The following KCNA6 variants were observed in gnomAD, a reference collection of about 807,000 sequenced individuals.
The protein encoded by KCNA6 is potassium voltage-gated channel subfamily A member 6, also known as human brain potassium channel-2.
A neutral mutation model predicts 29.5 loss-of-function variants in KCNA6; 17 were observed. The ratio of observed to expected loss-of-function variants is 0.58; its 90% CI spans 0.39 to 0.86. The LOEUF (loss-of-function observed/expected upper bound fraction) is 0.86, where lower values mean the gene tolerates loss of function less well. Ranked by LOEUF, KCNA6 falls within the 40% of genes least tolerant of loss-of-function variation. The probability of loss-of-function intolerance (pLI) is 0.00; values close to 1 mark genes in which losing one functional copy is unlikely to be tolerated. For missense variants in KCNA6, 450 were observed against 703.4 expected, an observed-to-expected ratio of 0.64 and a Z score of 4.07; for synonymous variants, 296 against 304.7, an observed-to-expected ratio of 0.97 and a Z score of 0.30.
chr12:4,823,328 T>C, the KCNA6 span, among the ~76,000 whole-genome samples: 5 of 152,128 alleles, frequency 3.3e-5, no homozygotes, highest in Admixed American at 6.5e-5. Flanking sequence ...TCATAATTCC[T>C]TCTTCCAGCG....
chr12:4,822,714 C>T, the KCNA6 span, among the ~76,000 whole-genome samples: 184 of 152,338 alleles, frequency 1.2e-3, 1 homozygote, highest in African/African-American at 3.8e-3. Flanking sequence ...ACTCCACTCC[C>T]GCTGGCTAGG....
At chr12:4,814,211 TG>T (rs1946660016), downstream of KCNA6, 1 of 167,118 alleles carries the variant, frequency 6.0e-6, no homozygotes. This position sits in a 1 kb window ranked among gnomAD's most constrained non-coding sequence, Gnocchi z 4.6. Context: ...TTCAGAAATT[TG>T]AATGTTAAGC....
At chr12:4,821,511 A>C in the KCNA6 span, among the ~76,000 whole-genome samples, 1 of 151,850 alleles carries the variant, frequency 6.6e-6, no homozygotes, top group Non-Finnish European at 1.5e-5. Context: ...ATGGTTTTAC[A>C]TGCCTCCAGC....
chr12:4,840,597 G>C, the KCNA6 span, among the ~76,000 whole-genome samples: 2 of 152,218 alleles, frequency 1.3e-5, no homozygotes, highest in African/African-American at 4.8e-5. Context: ...TTTAAGGAAT[G>C]ACACGTTCCA....
At chr12:4,815,630 G>A (rs917546501), downstream of KCNA6, among the ~76,000 whole-genome samples, 16 of 152,268 alleles carry the variant, frequency 1.1e-4, no homozygotes, top group African/African-American at 3.1e-4. Flanking sequence ...GAGTTAGCCT[G>A]GAAAAAGCCT....
the KCNA6 span, chr12:4,839,023 C>G: frequency 1.3e-5 from 2 of 152,220 alleles, no homozygotes; most frequent in African/African-American, 4.8e-5. Context: ...TTCTCCTGCT[C>G]TGACTGCTTT....
chr12:4,815,633 A>G (rs558215873), downstream of KCNA6, among the ~76,000 whole-genome samples: 2 of 152,316 alleles, frequency 1.3e-5, no homozygotes, highest in Admixed American at 6.5e-5. Context: ...TTAGCCTGGA[A>G]AAAGCCTTAA....
chr12:4,816,523 C>T (rs1447389618), downstream of KCNA6, among the ~76,000 whole-genome samples: 2 of 152,060 alleles, frequency 1.3e-5, no homozygotes, highest in Admixed American at 1.3e-4. Flanking sequence ...GAAAAAAACT[C>T]CAAGAAAAGT....
At chr12:4,848,932 C>T in the KCNA6 span, among the ~76,000 whole-genome samples, 3 of 151,702 alleles carry the variant, frequency 2.0e-5, no homozygotes, top group Non-Finnish European at 4.4e-5. Flanking sequence ...CCATCCTGGC[C>T]AACACGGTGA....
rs746236187 is a variant in KCNA6 at position 4,810,309 on chromosome 12, C to G, written c.268C>G (p.Arg90Gly). 4 of 1,613,990 alleles carry G rather than the reference C, an allele frequency of 2.5e-6. No individual in the cohort carries two copies. The highest frequency in any genetic ancestry group is 2.2e-5 in the East Asian group (1 of 44,892). ...GAACGAGTACTTCTTCGACCGCAAC[C>G]GGCCCAGCTTCGACGCCATCCTCTA... The change falls in exon 1 of 1, where the codon CGG becomes GGG. Residue 90 changes from arginine (R) to glycine (G), a missense_variant. This residue lies in a region of KCNA6 where 133 missense variants were observed against 217.5 expected (regional missense o/e 0.61). Coordinates refer to ENST00000280684, the Ensembl canonical transcript of KCNA6. The surrounding 1 kb of genome is among the most constrained non-coding windows in gnomAD (Gnocchi z 7.5).
At chr12:4,840,021 A>T in the KCNA6 span, among the ~76,000 whole-genome samples, 1 of 152,292 alleles carries the variant, frequency 6.6e-6, no homozygotes, top group African/African-American at 2.4e-5. Context: ...AAGAGAAAAA[A>T]CTTCCATCAT....
the KCNA6 span, among the ~76,000 whole-genome samples, chr12:4,843,471 C>T: frequency 3.4e-4 from 52 of 152,118 alleles, no homozygotes; most frequent in African/African-American, 1.1e-3. Context: ...TGAGCCACTG[C>T]GCCTGGCCAA....
chr12:4,810,435 G>A lies in KCNA6; in HGVS notation c.394G>A (p.Ala132Thr). The change falls in exon 1 of 1, where the codon GCG becomes ACG. Residue 132 changes from alanine to threonine, a missense_variant. By Grantham distance (58) the Ala-to-Thr change is moderately conservative. Coordinates refer to ENST00000280684, the Ensembl canonical transcript of KCNA6. This position sits in a 1 kb window ranked among gnomAD's most constrained non-coding sequence, Gnocchi z 7.5. The stretch of plus-strand genomic sequence containing the variant: ...CTACCAGCTGGGGGACGAGGCCCTG[G>A]CGGCCTTCCGGGAGGACGAGGGCTG... 3 of 1,614,088 alleles carry A rather than the reference G, an allele frequency of 1.9e-6. No homozygotes were observed. Among genetic ancestry groups the A allele is most frequent in the Non-Finnish European group, 2.5e-6 (3 of 1,179,976 alleles).
the KCNA6 span, among the ~76,000 whole-genome samples, chr12:4,834,682 G>C: frequency 6.6e-6 from 1 of 152,118 alleles, no homozygotes; most frequent in African/African-American, 2.4e-5. Context: ...TCTAAAGCAG[G>C]ACCCAGCTAC....
At chr12:4,846,925 C>G in the KCNA6 span, among the ~76,000 whole-genome samples, 1 of 151,904 alleles carries the variant, frequency 6.6e-6, no homozygotes, top group African/African-American at 2.4e-5. Flanking sequence ...ACTACAGGCG[C>G]CCGCCACCAC....
chr12:4,810,255 C>T lies in KCNA6; in HGVS notation c.214C>T (p.Arg72Trp), dbSNP rs866218754. ...GGACACGCTGCTCGGAGACCCTGGC[C>T]GGCGAGTCCGCTTCTTCGACCCCCT... The change falls in exon 1 of 1, where the codon CGG becomes TGG. Residue 72 changes from arginine to tryptophan, a missense_variant. By Grantham distance (101) the Arg-to-Trp change is moderately radical. Coordinates refer to ENST00000280684, the Ensembl canonical transcript of KCNA6. The surrounding 1 kb of genome is among the most constrained non-coding windows in gnomAD (Gnocchi z 7.5). The T allele has an allele frequency of 1.9e-6, 3 of 1,613,842 alleles. No homozygotes were observed. Among genetic ancestry groups the T allele is most frequent in the Non-Finnish European group, 2.5e-6 (3 of 1,180,036 alleles).
chr12:4,817,404 C>T (rs1290230871), downstream of KCNA6, among the ~76,000 whole-genome samples: 4 of 152,100 alleles, frequency 2.6e-5, no homozygotes, highest in Non-Finnish European at 5.9e-5. Flanking sequence ...CCTGTGCTGG[C>T]CTTGAGTGAG....
At chr12:4,818,427 TTC>T in the KCNA6 span, among the ~76,000 whole-genome samples, 2 of 152,240 alleles carry the variant, frequency 1.3e-5, no homozygotes, top group East Asian at 3.8e-4. Context: ...CTCAGTTTCT[TTC>T]TCTGTCAAAT....
chr12:4,814,238 C>T (rs932735818), downstream of KCNA6: 3 of 167,172 alleles, frequency 1.8e-5, no homozygotes, highest in African/African-American at 4.8e-5. This position sits in a 1 kb window ranked among gnomAD's most constrained non-coding sequence, Gnocchi z 4.6. Context: ...GTTAAACCAA[C>T]GTCAGTATTA....
Sources: gnomAD v4.1 joint callset for allele counts (sites outside exome capture counted in the v4.1 genomes callset) on GRCh38, gnomAD v4.1.1 for gene constraint, gnomAD v4.1.1 regional missense constraint, Gnocchi (gnomAD v3.1) non-coding constraint, MANE v1.5 for transcripts, NCBI Gene and HGNC (gene_info 2026-07-23, HGNC 2026-07-21) for gene names.